The following TLK2 variants were observed in gnomAD, a reference collection of about 807,000 sequenced individuals.
TLK2 encodes serine/threonine-protein kinase tousled-like 2.
TLK2 carries 6 observed loss-of-function variants against 117.3 expected under a neutral mutation model. The ratio of observed to expected loss-of-function variants is 0.05; its 90% CI spans 0.03 to 0.10. The LOEUF (loss-of-function observed/expected upper bound fraction) is 0.10, where lower values mean the gene tolerates loss of function less well. Ranked by LOEUF, TLK2 falls within the 10% of genes least tolerant of loss-of-function variation. The probability of loss-of-function intolerance (pLI) is 1.00; values close to 1 mark genes in which losing one functional copy is unlikely to be tolerated. For synonymous variants in TLK2, 257 were observed against 316.7 expected (o/e 0.81, Z 2.00); for missense variants, 299 against 901.2 (o/e 0.33, Z 8.56).
intron 2 of TLK2, among the ~76,000 whole-genome samples, chr17:62,499,367 G>T (rs1567797238): frequency 6.6e-6 from 1 of 151,146 alleles, no homozygotes; most frequent in Admixed American, 6.6e-5. Flanking sequence ...GTTTTGCCAC[G>T]TTGCCCAGCC....
chr17:62,511,816 A>C (rs969023402), intron 2 of TLK2, among the ~76,000 whole-genome samples: 17 of 152,226 alleles, frequency 1.1e-4, no homozygotes, highest in African/African-American at 4.1e-4. Flanking sequence ...CATTGCCTCC[A>C]TGAGGACATT....
chr17:62,505,156 A>G (rs1315829979), intron 2 of TLK2, among the ~76,000 whole-genome samples: 1 of 152,138 alleles, frequency 6.6e-6, no homozygotes, highest in African/African-American at 2.4e-5. Flanking sequence ...TTATTTTAAA[A>G]GTACGTCACT....
At chr17:62,495,345 G>T (rs1021727614) in intron 2 of TLK2, among the ~76,000 whole-genome samples, 5 of 152,222 alleles carry the variant, frequency 3.3e-5, no homozygotes, top group African/African-American at 7.2e-5. Flanking sequence ...ATTAAAGAAT[G>T]ATTAGTATAG....
chr17:62,541,064 A>G (rs184137343), intron 7 of TLK2, among the ~76,000 whole-genome samples: 1 of 151,972 alleles, frequency 6.6e-6, no homozygotes, highest in Non-Finnish European at 1.5e-5. Flanking sequence ...TTCTTCACCC[A>G]TATATCATCA....
At chr17:62,473,823 A>G (rs774585040) in intron 1 of TLK2, among the ~76,000 whole-genome samples, 10 of 152,198 alleles carry the variant, frequency 6.6e-5, no homozygotes, top group Non-Finnish European at 1.3e-4. Flanking sequence ...GACAGAGACA[A>G]TATGGCCCGC....
At position 62,576,966 on chromosome 17, in the gene TLK2, C is replaced by CTTT. The variant is rs59523807; in HGVS notation, c.1188+203_1188+205dup. ...ATATTTTTCCATTTTCTTTCTTCTT[C>CTTT]TTTTTTTTTTTTTTGAGTTGGAGTC... is the stretch of plus-strand genomic sequence containing the variant. On this transcript the variant is annotated intron_variant, in intron 13 of 21. Transcript: ENST00000346027. Among the ~76,000 whole-genome samples, 11 of 115,950 alleles carry CTTT rather than the reference C, an allele frequency of 9.5e-5. 1 individual carries two copies. Among genetic ancestry groups the CTTT allele is most frequent in the Non-Finnish European group, 1.8e-4 (10 of 56,886 alleles). 76.1% of individuals were successfully genotyped at this position (115,950 alleles called of 152,430 possible).
At chr17:62,507,484 A>G (rs1319139397) in intron 2 of TLK2, 4 of 152,184 alleles carry the variant, frequency 2.6e-5, no homozygotes, top group Admixed American at 1.3e-4. Context: ...AAAAGCATAG[A>G]GACCTTTAGT....
intron 2 of TLK2, among the ~76,000 whole-genome samples, chr17:62,493,177 T>C (rs1447032951): frequency 6.6e-6 from 1 of 152,186 alleles, no homozygotes; most frequent in Non-Finnish European, 1.5e-5. Flanking sequence ...TTTCCATCTC[T>C]GTGAATTTGA....
chr17:62,530,040 C>T (rs981572351), intron 6 of TLK2, among the ~76,000 whole-genome samples: 8 of 151,868 alleles, frequency 5.3e-5, no homozygotes, highest in African/African-American at 1.9e-4. Flanking sequence ...CCTGTCTGTA[C>T]GAGGCAGGCA....
chr17:62,596,517 A>T, intron 16 of TLK2, 68 bp from the exon 17 acceptor site: 3 of 1,118,432 alleles, frequency 2.7e-6, no homozygotes, highest in Non-Finnish European at 4.1e-6. Context: ...AATATTTAGG[A>T]GGATCTTTGA....
intron 11 of TLK2, among the ~76,000 whole-genome samples, chr17:62,569,360 C>T (rs1467337500): frequency 4.0e-5 from 6 of 149,414 alleles, no homozygotes; most frequent in African/African-American, 4.9e-5. Context: ...TTTGAAGTTT[C>T]AGACCTCTCA....
chr17:62,500,443 C>A (rs57738056), intron 2 of TLK2, among the ~76,000 whole-genome samples: 1 of 152,054 alleles, frequency 6.6e-6, no homozygotes, highest in African/African-American at 2.4e-5. Context: ...GAAGACACAG[C>A]GGTCCTAAAT....
intron 2 of TLK2, among the ~76,000 whole-genome samples, chr17:62,489,174 CGTGT>C (rs59470331): frequency 2.7e-4 from 38 of 140,810 alleles, no homozygotes; most frequent in African/African-American, 8.4e-4. Flanking sequence ...TTTAATTGTA[CGTGT>C]GTGTGTGTGT....
chr17:62,583,961 T>G (rs529982604), intron 15 of TLK2, among the ~76,000 whole-genome samples: 1 of 152,084 alleles, frequency 6.6e-6, no homozygotes, highest in Admixed American at 6.6e-5. Context: ...TTCTCCACTC[T>G]CCACAATCCT....
intron 2 of TLK2, among the ~76,000 whole-genome samples, chr17:62,492,152 G>A (rs1420620037): frequency 1.3e-5 from 2 of 152,098 alleles, no homozygotes; most frequent in African/African-American, 2.4e-5. Flanking sequence ...AAGAATGAGT[G>A]GTGGTATTAA....
chr17:62,584,790 C>T (rs1190080965), intron 15 of TLK2, among the ~76,000 whole-genome samples: 1 of 152,242 alleles, frequency 6.6e-6, no homozygotes, highest in Non-Finnish European at 1.5e-5. Context: ...AAGCAGCTCT[C>T]TCTACATGCA....
At chr17:62,611,360 A>G (rs1329702354) in intron 21 of TLK2, among the ~76,000 whole-genome samples, 1 of 152,224 alleles carries the variant, frequency 6.6e-6, no homozygotes, top group East Asian at 1.9e-4. Context: ...TAATTTGTTT[A>G]TCAAACATGG....
At position 62,576,842 on chromosome 17, in the gene TLK2, T is replaced by C. The variant is rs929247286; in HGVS notation, c.1188+67T>C. The C allele has an allele frequency of 3.1e-6, 4 of 1,278,750 alleles. No individual in the cohort carries two copies. In the African/African-American group the frequency reaches 5.9e-5, roughly 19 times the overall value. The allele number at this position is 1,278,750 out of a possible 1,614,324, so 79.2% of individuals were successfully genotyped here. A position where few individuals can be genotyped will look rare whatever the true frequency, so the allele number is the denominator to read the frequency against. On this transcript the variant is annotated intron_variant, in intron 13 of 21. Transcript: ENST00000346027. ...TAGTTTAAATTTGGGGTTGAAGCTA[T>C]TTGGTCATTTGGGTGAATGTAATAG...
chr17:62,563,857 G>C (rs2079505501), intron 10 of TLK2, among the ~76,000 whole-genome samples: 1 of 152,182 alleles, frequency 6.6e-6, no homozygotes, highest in African/African-American at 2.4e-5. Flanking sequence ...TTTGGAGTAA[G>C]AATTCTGCAG....
Sources: gnomAD v4.1 joint callset for allele counts (sites outside exome capture counted in the v4.1 genomes callset) on GRCh38, gnomAD v4.1.1 for gene constraint, MANE v1.5 for transcripts, NCBI Gene and HGNC (gene_info 2026-07-23, HGNC 2026-07-21) for gene names.